DAGLB: variants seen among roughly 807,000 people sequenced by gnomAD.
The protein encoded by DAGLB is diacylglycerol lipase beta, also known as diacylglycerol lipase-beta.
A neutral mutation model predicts 72.1 loss-of-function variants in DAGLB; 66 were observed. The observed-to-expected ratio is 0.92, with a 90% CI of 0.75 to 1.12. The LOEUF is 1.12. Among genes scored for constraint, DAGLB ranks in the 50% most tolerant of loss-of-function variants. The pLI is 0.00. For missense variants in DAGLB, 1,065 were observed against 884.9 expected (o/e 1.20, Z -2.58); for synonymous variants, 414 against 359.5 (o/e 1.15, Z -1.71).
At chr7:6,420,318 T>C (rs1281798129) in intron 9 of DAGLB, among the ~76,000 whole-genome samples, 1 of 151,774 alleles carries the variant, frequency 6.6e-6, no homozygotes, top group Non-Finnish European at 1.5e-5. Context: ...CGTGCGCCTG[T>C]AGTCCCAGTT....
intron 11 of DAGLB, among the ~76,000 whole-genome samples, chr7:6,414,135 C>T (rs978929762): frequency 2.0e-5 from 3 of 152,050 alleles, no homozygotes; most frequent in African/African-American, 7.2e-5. Context: ...CTCAGCCTCC[C>T]AAGCAGCTGG....
At chr7:6,437,838 C>T (rs530626184) in intron 2 of DAGLB, among the ~76,000 whole-genome samples, 1 of 152,234 alleles carries the variant, frequency 6.6e-6, no homozygotes, top group Admixed American at 6.5e-5. Flanking sequence ...GACTGGGTTT[C>T]ACCATGTTGG....
Position 6,426,005 on chromosome 7 carries a change from C to T in DAGLB, c.1039G>A (p.Val347Ile), listed in dbSNP as rs201562957. ...TGLQYRDFIH[V>I]SFHDKVYELP... Reference sequence around the variant, plus strand: ...GTCCACACCTTGTCATGGAAGCTGACGTGGATGAAGTCCCTGTACTGCAGC... The same window carrying T: ...GTCCACACCTTGTCATGGAAGCTGATGTGGATGAAGTCCCTGTACTGCAGC... The change falls in exon 7 of 15, where the codon GTC becomes ATC. Residue 347 changes from valine to isoleucine, a missense_variant. Physicochemically the swap from Val to Ile is conservative, Grantham distance 29. Transcript: ENST00000297056. 8 of 1,614,102 alleles carry T rather than the reference C, an allele frequency of 5.0e-6. No individual in the cohort carries two copies. The highest frequency in any genetic ancestry group is 4.0e-5 in the African/African-American group (3 of 75,066).
At chr7:6,421,621 C>A in intron 9 of DAGLB, 106 bp downstream of exon 9, 4 of 987,780 alleles carry the variant, frequency 4.0e-6, no homozygotes. Flanking sequence ...GCGCAGGCAG[C>A]GCGGGAGGCG....
intron 2 of DAGLB, among the ~76,000 whole-genome samples, chr7:6,443,861 C>T (rs746651636): frequency 6.6e-6 from 1 of 152,196 alleles, no homozygotes; most frequent in Non-Finnish European, 1.5e-5. Context: ...CACCACAGTG[C>T]TCACATCATC....
At position 6,437,155 on chromosome 7, in the gene DAGLB, AAATAAT is replaced by A. The variant is rs36026233; in HGVS notation, c.248-628_248-623del. Among the ~76,000 whole-genome samples, 603 of 125,484 alleles carry A rather than the reference AAATAAT, an allele frequency of 4.8e-3. 9 individuals carry two copies. The highest frequency in any genetic ancestry group is 0.041 in the East Asian group (87 of 2,108). The allele number at this position is 125,484 out of a possible 152,430, so 82.3% of individuals were successfully genotyped here. The stretch of plus-strand genomic sequence containing the variant: ...GGTGACAGAGCAAGACTCCGTCTCA[AAATAAT>A]AATAATAATAATAATAATAATAATA... On this transcript the variant is annotated intron_variant, in intron 2 of 14. Transcript: ENST00000297056.
At chr7:6,416,959 A>T in intron 9 of DAGLB, 38 bp from the exon 10 acceptor site, 4 of 1,609,852 alleles carry the variant, frequency 2.5e-6, no homozygotes, top group Non-Finnish European at 3.4e-6. Flanking sequence ...GTTAATCCTC[A>T]GACAAGGCAG....
chr7:6,446,871 G>A (rs1290887218), intron 1 of DAGLB, among the ~76,000 whole-genome samples: 2 of 152,120 alleles, frequency 1.3e-5, no homozygotes, highest in African/African-American at 2.4e-5. Flanking sequence ...TTAGCTGGGC[G>A]TGGTGGCACG....
Position 6,416,423 on chromosome 7 carries a change from G to A in DAGLB, c.1427+204C>T, listed in dbSNP as rs1449098801. 6 of 602,508 alleles carry A rather than the reference G, an allele frequency of 1.0e-5. No individual in the cohort carries two copies. The South Asian group carries it at 1.0e-4, about 11-fold the overall frequency. The allele number at this position is 602,508 out of a possible 1,614,324, so 37.3% of individuals were successfully genotyped here. On this transcript the variant is annotated intron_variant, in intron 11 of 14. Coordinates refer to ENST00000297056, the MANE Select transcript of DAGLB (RefSeq NM_139179.4). Reference sequence around the variant, plus strand: ...GCCGGCATGCTGGCGGGTGTCTGTAGTCCCAGCAACTCGGGAGGCTGAGGC... The same window carrying A: ...GCCGGCATGCTGGCGGGTGTCTGTAATCCCAGCAACTCGGGAGGCTGAGGC...
At chr7:6,438,868 TG>T (rs1417262919) in intron 2 of DAGLB, among the ~76,000 whole-genome samples, 1 of 151,496 alleles carries the variant, frequency 6.6e-6, no homozygotes, top group East Asian at 1.9e-4. Context: ...AAGATAATGA[TG>T]ATGATGATGA....
chr7:6,435,083 G>A lies in DAGLB; in HGVS notation c.420-63C>T, dbSNP rs537923473. 64 of 1,582,888 alleles carry A rather than the reference G, an allele frequency of 4.0e-5. No individual in the cohort carries two copies. In the South Asian group the frequency reaches 5.4e-4, roughly 13 times the overall value. The stretch of plus-strand genomic sequence containing the variant: ...GGCCCCAGCCCAGACGCAGATGTCC[G>A]GGGTCCCTCCTCCAGGTTCAGTTTC... On this transcript the variant is annotated intron_variant, in intron 3 of 14. Coordinates refer to ENST00000297056, the MANE Select transcript of DAGLB (RefSeq NM_139179.4).
chr7:6,415,133 C>T (rs952601440), intron 11 of DAGLB, among the ~76,000 whole-genome samples: 5 of 150,968 alleles, frequency 3.3e-5, no homozygotes, highest in Non-Finnish European at 7.4e-5. Context: ...TGCACTCCAG[C>T]TGGGGAGACT....
In DAGLB at chr7:6,409,964, A is replaced by G. The variant is rs1053533900; in HGVS notation, c.1892T>C (p.Ile631Thr). 1 of 1,614,112 alleles carries G rather than the reference A, an allele frequency of 6.2e-7. No homozygotes were observed. The highest frequency in any genetic ancestry group is 8.5e-7 in the Non-Finnish European group (1 of 1,180,012). ...GTGGTCGGTGAGCATCTTCGGACCT[A>G]TGAGTATTTTGCTGAATTCCGCTTC... is the stretch of plus-strand genomic sequence containing the variant. ...SHEAEFSKIL[I>T]GPKMLTDHMP... Residue 631 changes from isoleucine (I) to threonine (T), a missense_variant, in exon 15 of 15, where the codon ATA becomes ACA. Ile to Thr is a moderately conservative substitution (Grantham distance 89). Transcript: ENST00000297056.
chr7:6,426,201 G>A (rs1293898997), intron 6 of DAGLB, 87 bp from the exon 7 acceptor site: 91 of 1,577,342 alleles, frequency 5.8e-5, no homozygotes, highest in Non-Finnish European at 7.4e-5. Flanking sequence ...TCCCAGAGAC[G>A]CGAGGACCAG....
intron 3 of DAGLB, among the ~76,000 whole-genome samples, chr7:6,436,110 G>A (rs1001577394): frequency 6.6e-6 from 1 of 151,718 alleles, no homozygotes; most frequent in Admixed American, 6.6e-5. Flanking sequence ...AAGAGAGAGA[G>A]ACAGAAGGGA....
At chr7:6,416,800 T>C (rs770116161) in intron 10 of DAGLB, 41 bp downstream of exon 10, 4 of 1,613,798 alleles carry the variant, frequency 2.5e-6, no homozygotes, top group East Asian at 4.5e-5. Context: ...AAACAACAGC[T>C]CCAAAGAGGA....
chr7:6,422,191 G>A (rs1386821941), intron 8 of DAGLB: 1 of 356,262 alleles, frequency 2.8e-6, no homozygotes, highest in East Asian at 7.3e-5. Flanking sequence ...AGGAGGCCTA[G>A]ACTAGCACCA....
Position 6,441,304 on chromosome 7 carries a change from G to T in DAGLB, c.247+4649C>A, listed in dbSNP as rs549447965. Among the ~76,000 whole-genome samples, 136 of 149,892 alleles carry T rather than the reference G, an allele frequency of 9.1e-4. 1 individual carries two copies. Among genetic ancestry groups the T allele is most frequent in the Non-Finnish European group, 1.8e-3 (122 of 67,602 alleles). On this transcript the variant is annotated intron_variant, in intron 2 of 14. Coordinates refer to ENST00000297056, the MANE Select transcript of DAGLB (RefSeq NM_139179.4). ...GACGGGGTTTCACCATGTTAGCCAGGATGGTCTCAATCTCCTCACCTCATG... is the reference window on the plus strand; with the variant it reads ...GACGGGGTTTCACCATGTTAGCCAGTATGGTCTCAATCTCCTCACCTCATG...
At chr7:6,413,491 G>A (rs1409316936) in intron 11 of DAGLB, among the ~76,000 whole-genome samples, 2 of 152,148 alleles carry the variant, frequency 1.3e-5, no homozygotes, top group African/African-American at 4.8e-5. Flanking sequence ...TTAGCCAGGC[G>A]TGGTGGTGGG....
Sources: allele counts gnomAD v4.1 joint callset (sites outside exome capture counted in the v4.1 genomes callset), GRCh38; gene constraint gnomAD v4.1.1; transcripts MANE v1.5; gene names NCBI Gene and HGNC (gene_info 2026-07-23, HGNC 2026-07-21).